The following TCF7L1 variants were observed in gnomAD, a reference collection of about 807,000 sequenced individuals.
TCF7L1 encodes the protein transcription factor 7 like 1, also known as transcription factor 7-like 1.
A neutral mutation model predicts 63.7 loss-of-function variants in TCF7L1; 18 were observed. The ratio of observed to expected loss-of-function variants is 0.28; its 90% CI spans 0.20 to 0.42. TCF7L1 has a LOEUF of 0.42. Among genes scored for constraint, TCF7L1 ranks in the 10% least tolerant of loss-of-function variants. The pLI is 1.00. For synonymous variants in TCF7L1, 355 were observed against 340.9 expected, an observed-to-expected ratio of 1.04 and a Z score of -0.46; for missense variants, 654 against 779.3, an observed-to-expected ratio of 0.84 and a Z score of 1.91.
At chr2:85,168,457 C>G (rs549970217) in intron 3 of TCF7L1, among the ~76,000 whole-genome samples, 17 of 152,210 alleles carry the variant, frequency 1.1e-4, no homozygotes, top group African/African-American at 3.1e-4. Context: ...CAGGCAGGCC[C>G]TACACTGTCC....
intron 3 of TCF7L1, among the ~76,000 whole-genome samples, chr2:85,268,680 G>T (rs1342703098): frequency 1.3e-5 from 2 of 151,396 alleles, no homozygotes; most frequent in African/African-American, 4.9e-5. Flanking sequence ...GACCTCAGGT[G>T]ACCCACCCTC....
At chr2:85,189,882 C>T (rs1679007617) in intron 3 of TCF7L1, among the ~76,000 whole-genome samples, 1 of 152,180 alleles carries the variant, frequency 6.6e-6, no homozygotes, top group Non-Finnish European at 1.5e-5. Flanking sequence ...AAGCCCAGGG[C>T]CCGGGAGTGA....
At chr2:85,270,743 G>C (rs1681131384) in intron 3 of TCF7L1, among the ~76,000 whole-genome samples, 1 of 151,130 alleles carries the variant, frequency 6.6e-6, no homozygotes, top group African/African-American at 2.4e-5. Context: ...AGGCTGGAGT[G>C]CAGTGGCGCA....
chr2:85,180,228 G>GTTTTT (rs1678773156), intron 3 of TCF7L1, among the ~76,000 whole-genome samples: 1 of 147,404 alleles, frequency 6.8e-6, no homozygotes, highest in Non-Finnish European at 1.5e-5. Flanking sequence ...TTTTGTTTTT[G>GTTTTT]TTTTTGTTTT....
chr2:85,242,869 A>G (rs998710160), intron 3 of TCF7L1, among the ~76,000 whole-genome samples: 4 of 152,146 alleles, frequency 2.6e-5, no homozygotes, highest in Non-Finnish European at 5.9e-5. Context: ...AGCCTTTCCT[A>G]GTACACTGTA....
intron 3 of TCF7L1, among the ~76,000 whole-genome samples, chr2:85,222,669 CAA>C (rs60020804): frequency 2.1e-4 from 12 of 58,202 alleles, no homozygotes; most frequent in Non-Finnish European, 2.6e-4. Flanking sequence ...GACCCCATCT[CAA>C]AAAAAAAAAA....
chr2:85,243,601 G>A (rs1296267355), intron 3 of TCF7L1, among the ~76,000 whole-genome samples: 1 of 152,160 alleles, frequency 6.6e-6, no homozygotes, highest in Non-Finnish European at 1.5e-5. Flanking sequence ...CAAGGGAAGG[G>A]GGAGCTGGGC....
At chr2:85,167,277 C>A (rs2104230086) in intron 3 of TCF7L1, 1 of 152,308 alleles carries the variant, frequency 6.6e-6, no homozygotes, top group Admixed American at 6.5e-5. Context: ...TGGTACAAGA[C>A]CAGCTCCCAA....
intron 3 of TCF7L1, among the ~76,000 whole-genome samples, chr2:85,259,165 C>T (rs537669165): frequency 6.6e-6 from 1 of 152,332 alleles, no homozygotes; most frequent in Admixed American, 6.5e-5. Flanking sequence ...GGTGGATGCA[C>T]AGTGAGTATT....
chr2:85,209,344 G>A (rs1009274410), intron 3 of TCF7L1, among the ~76,000 whole-genome samples: 1 of 152,158 alleles, frequency 6.6e-6, no homozygotes, highest in African/African-American at 2.4e-5. Context: ...TGTCCTATTC[G>A]GGTACATGCA....
chr2:85,241,437 G>GTTTTTT (rs772334481), intron 3 of TCF7L1, among the ~76,000 whole-genome samples: 2,393 of 82,888 alleles, frequency 0.029, 14 homozygotes, highest in Non-Finnish European at 0.047. Context: ...CTTTGTTTTT[G>GTTTTTT]TTTTTTTTTT....
chr2:85,172,963 C>T (rs980139011), intron 3 of TCF7L1, among the ~76,000 whole-genome samples: 1 of 152,204 alleles, frequency 6.6e-6, no homozygotes. Flanking sequence ...GCCACAAGGG[C>T]TTGTTCACTG....
chr2:85,162,795 G>C (rs1258428498), intron 3 of TCF7L1, among the ~76,000 whole-genome samples: 1 of 152,158 alleles, frequency 6.6e-6, no homozygotes, highest in Non-Finnish European at 1.5e-5. Flanking sequence ...TTTGGTTCTG[G>C]TTCACCTTTG....
chr2:85,294,701 C>A (rs1681804484), intron 4 of TCF7L1, among the ~76,000 whole-genome samples: 1 of 152,126 alleles, frequency 6.6e-6, no homozygotes, highest in Non-Finnish European at 1.5e-5. Flanking sequence ...GCTTAACATG[C>A]CAATTCTCAA....
intron 3 of TCF7L1, among the ~76,000 whole-genome samples, chr2:85,213,348 T>C (rs1221885315): frequency 6.6e-6 from 1 of 152,218 alleles, no homozygotes; most frequent in Non-Finnish European, 1.5e-5. Context: ...AAATCAGGAA[T>C]ATCCTATAAT....
chr2:85,257,642 C>T (rs1189784996), intron 3 of TCF7L1, among the ~76,000 whole-genome samples: 3 of 152,192 alleles, frequency 2.0e-5, no homozygotes, highest in Admixed American at 6.5e-5. Flanking sequence ...CACATGCCCA[C>T]GGGGCTGCTC....
At chr2:85,152,452 T>TTTTTG (rs1678039354) in intron 3 of TCF7L1, among the ~76,000 whole-genome samples, 1 of 150,714 alleles carries the variant, frequency 6.6e-6, no homozygotes. Flanking sequence ...TTTTTTTTTT[T>TTTTTG]GAGACAGAGT....
chr2:85,263,859 G>C (rs1236630407), intron 3 of TCF7L1, among the ~76,000 whole-genome samples: 1 of 152,264 alleles, frequency 6.6e-6, no homozygotes, highest in African/African-American at 2.4e-5. Flanking sequence ...GGAGCGGCTG[G>C]AGGAGTAAGT....
At chr2:85,249,982 G>A (rs939116675) in intron 3 of TCF7L1, among the ~76,000 whole-genome samples, 1 of 152,210 alleles carries the variant, frequency 6.6e-6, no homozygotes, top group African/African-American at 2.4e-5. Context: ...GACAGAGAAA[G>A]GTAACATTTG....
Sources: allele counts gnomAD v4.1 joint callset (sites outside exome capture counted in the v4.1 genomes callset), GRCh38; gene constraint gnomAD v4.1.1; transcripts MANE v1.5; gene names NCBI Gene and HGNC (gene_info 2026-07-23, HGNC 2026-07-21).